The following CSMD3 variants were observed in gnomAD, a reference collection of about 807,000 sequenced individuals.
CSMD3 encodes CUB and sushi domain-containing protein 3.
CSMD3 carries 177 observed loss-of-function variants against 435.2 expected under a neutral mutation model. The ratio of observed to expected loss-of-function variants is 0.41; its 90% CI spans 0.36 to 0.46. The LOEUF is 0.46. Among genes scored for constraint, CSMD3 ranks in the 20% least tolerant of loss-of-function variants. The probability of loss-of-function intolerance (pLI) is 0.34; values close to 1 mark genes in which losing one functional copy is unlikely to be tolerated. For missense variants in CSMD3, 4,265 were observed against 4,504.6 expected (o/e 0.95, Z 1.52); for synonymous variants, 1,656 against 1,520.5 (o/e 1.09, Z -2.07).
At position 112,768,093 on chromosome 8, in the gene CSMD3, T is replaced by C. The variant is rs1225828143; in HGVS notation, c.1972+32069A>G. Among the ~76,000 whole-genome samples the C allele has an allele frequency of 2.0e-5, 3 of 151,798 alleles. No individual in the cohort carries two copies. In the East Asian group the frequency reaches 5.8e-4, roughly 29 times the overall value. On this transcript the variant is annotated intron_variant, in intron 13 of 70. Transcript: ENST00000297405. ...GTTTTGCAATGAATTTGACATATAG[T>C]TTATGTTCTTCTTTCTTTTAATCAA...
chr8:112,866,614 G>C (rs1271439794), intron 10 of CSMD3, among the ~76,000 whole-genome samples: 1 of 152,114 alleles, frequency 6.6e-6, no homozygotes, highest in African/African-American at 2.4e-5. Flanking sequence ...TTAGTTAAGT[G>C]TTGTAGTCTT....
At chr8:113,152,898 G>C (rs1429245548) in intron 4 of CSMD3, among the ~76,000 whole-genome samples, 1 of 151,612 alleles carries the variant, frequency 6.6e-6, no homozygotes, top group Non-Finnish European at 1.5e-5. Flanking sequence ...TTGAACCCAG[G>C]AGGCAGAGGT....
rs184253733 is a variant in CSMD3, at chr8:112,520,141, G to A, written c.4565-2916C>T. Among the ~76,000 whole-genome samples, 8 of 152,004 alleles carry A rather than the reference G, an allele frequency of 5.3e-5. No individual in the cohort carries two copies. The East Asian group carries it at 9.7e-4, about 18-fold the overall frequency. On this transcript the variant is annotated intron_variant, in intron 27 of 70. Coordinates refer to ENST00000297405, the MANE Select transcript of CSMD3 (RefSeq NM_198123.2). ...ATTGTTATATATCAAATTGAATAAA[G>A]ACCAGCTAAGAAAGAGAAACTTTAA...
chr8:112,864,924 C>T (rs547650589), intron 10 of CSMD3, among the ~76,000 whole-genome samples: 1 of 152,292 alleles, frequency 6.6e-6, no homozygotes, highest in East Asian at 1.9e-4. Context: ...ATTTCATTCA[C>T]ATGCCACCTG....
intron 27 of CSMD3, among the ~76,000 whole-genome samples, chr8:112,549,147 C>G (rs1001124642): frequency 1.3e-5 from 2 of 151,864 alleles, no homozygotes; most frequent in Non-Finnish European, 2.9e-5. Flanking sequence ...GTGGAAAACA[C>G]TATGTATTAC....
chr8:112,304,121 A>T (rs1014342062), intron 52 of CSMD3, among the ~76,000 whole-genome samples: 2 of 152,150 alleles, frequency 1.3e-5, no homozygotes, highest in African/African-American at 4.8e-5. Flanking sequence ...GTTCAATAAT[A>T]TTTATTGAGG....
In CSMD3 at chr8:112,800,203, T is replaced by C; in HGVS notation, c.1931A>G (p.Asp644Gly). 1 of 1,612,910 alleles carries C rather than the reference T, an allele frequency of 6.2e-7. No individual in the cohort carries two copies. Among genetic ancestry groups the C allele is most frequent in the Non-Finnish European group, 8.5e-7 (1 of 1,179,114 alleles). The change falls in exon 13 of 71, where the codon GAC becomes GGC. Residue 644 changes from aspartate (D) to glycine (G), a missense_variant. Physicochemically the swap from Asp to Gly is moderately conservative, Grantham distance 94 (BLOSUM62 -1). Around this residue, in one of 3 missense-constraint regions of CSMD3, gnomAD observed 279 missense variants for 369.0 expected, o/e 0.76. Transcript: ENST00000297405. The part of the protein sequence containing the change: ...SSQMWLHLQT[D>G]ESVGSVGFKV... Reference sequence around the variant, plus strand: ...GAAACCAACAGATCCAACACTTTCGTCCGTTTGAAGGTGCAGCCACATTTG... The same window carrying C: ...GAAACCAACAGATCCAACACTTTCGCCCGTTTGAAGGTGCAGCCACATTTG...
At chr8:112,283,711 T>A (rs1818894813) in intron 58 of CSMD3, among the ~76,000 whole-genome samples, 1 of 151,716 alleles carries the variant, frequency 6.6e-6, no homozygotes, top group Non-Finnish European at 1.5e-5. Context: ...AAACATTTAG[T>A]TAGGCTTGGT....
rs114207705 is a variant in CSMD3, at chr8:112,991,371, C to T, written c.1031-15223G>A. ...GTGGGACATCAGGAGTTCTCAGATC[C>T]CCCATTTATGCTGTGTAGTCAACTA... On this transcript the variant is annotated intron_variant, in intron 6 of 70. Transcript: ENST00000297405. Among the ~76,000 whole-genome samples the T allele has an allele frequency of 6.6e-3, 1,000 of 151,736 alleles. 12 individuals are homozygous for T. The highest frequency in any genetic ancestry group is 0.023 in the African/African-American group (960 of 41,428).
intron 1 of CSMD3, among the ~76,000 whole-genome samples, chr8:113,330,575 A>T (rs765242171): frequency 1.1e-4 from 16 of 152,070 alleles, no homozygotes; most frequent in Middle Eastern, 3.4e-3. Context: ...GCACAAAACA[A>T]ATGAAAGTAA....
chr8:112,286,591 A>C (rs1472485242), intron 58 of CSMD3, among the ~76,000 whole-genome samples: 1 of 152,118 alleles, frequency 6.6e-6, no homozygotes, highest in Non-Finnish European at 1.5e-5. Context: ...ATATTGCTAT[A>C]ATTGTTCTAT....
chr8:113,328,349 A>T (rs2093999883), intron 1 of CSMD3, among the ~76,000 whole-genome samples: 1 of 148,858 alleles, frequency 6.7e-6, no homozygotes, highest in Middle Eastern at 3.2e-3. Context: ...GAGGCAGGAG[A>T]ATGGCGTGAA....
intron 31 of CSMD3, among the ~76,000 whole-genome samples, chr8:112,480,012 G>A (rs11988734): frequency 0.016 from 2,468 of 152,286 alleles, 73 homozygotes; most frequent in African/African-American, 0.056. Context: ...AAACCTTTGA[G>A]AGCAGCCACA....
In CSMD3 at chr8:113,206,394, C is replaced by T. The variant is rs188315547; in HGVS notation, c.515-32478G>A. ...AATCAATGATGAAGTAACCAATAAT[C>T]CTAAGAGTGAAACAATGTTACCTTA... On this transcript the variant is annotated intron_variant, in intron 3 of 70. Transcript: ENST00000297405. Among the ~76,000 whole-genome samples the T allele has an allele frequency of 2.5e-3, 378 of 152,192 alleles. 1 individual carries two copies. The highest frequency in any genetic ancestry group is 4.3e-3 in the Non-Finnish European group (291 of 68,012).
intron 2 of CSMD3, among the ~76,000 whole-genome samples, chr8:113,281,668 T>C (rs1278992314): frequency 6.6e-6 from 1 of 151,972 alleles, no homozygotes; most frequent in Non-Finnish European, 1.5e-5. Context: ...AATGTTAGTA[T>C]TGAAATGTGA....
At chr8:112,474,617 G>T (rs1818859968) in intron 31 of CSMD3, among the ~76,000 whole-genome samples, 1 of 152,082 alleles carries the variant, frequency 6.6e-6, no homozygotes, top group Non-Finnish European at 1.5e-5. Flanking sequence ...TTTTATACTG[G>T]GAATTTATTG....
At chr8:113,219,496 A>G (rs896581803) in intron 3 of CSMD3, among the ~76,000 whole-genome samples, 17 of 151,464 alleles carry the variant, frequency 1.1e-4, no homozygotes, top group African/African-American at 4.1e-4. Context: ...TCAGAAATAT[A>G]CCCAAGTATA....
intron 13 of CSMD3, among the ~76,000 whole-genome samples, chr8:112,783,508 AAGGG>A (rs1210141518): frequency 5.0e-5 from 4 of 79,664 alleles, no homozygotes; most frequent in Non-Finnish European, 7.8e-5. Context: ...GGGAGGGAGG[AAGGG>A]AGGGAGGGAG....
At chr8:113,118,295 T>C (rs754295110) in intron 4 of CSMD3, among the ~76,000 whole-genome samples, 1 of 152,214 alleles carries the variant, frequency 6.6e-6, no homozygotes, top group Non-Finnish European at 1.5e-5. Flanking sequence ...TTATGGCATA[T>C]ATCTAAAGAA....
Sources: gnomAD v4.1 joint callset for allele counts (sites outside exome capture counted in the v4.1 genomes callset) on GRCh38, gnomAD v4.1.1 for gene constraint, gnomAD v4.1.1 regional missense constraint, MANE v1.5 for transcripts, NCBI Gene and HGNC (gene_info 2026-07-23, HGNC 2026-07-21) for gene names.